Variants in ASPSCR1 observed in about 807,000 individuals in gnomAD.
The protein encoded by ASPSCR1 is tether containing UBX domain for GLUT4.
In ASPSCR1, 55 loss-of-function variants were observed where a neutral mutation model predicts 68.9. That is an observed-to-expected ratio of 0.80 (90% CI 0.64 to 1.00). The LOEUF is 1.00. Among genes scored for constraint, ASPSCR1 ranks in the 50% least tolerant of loss-of-function variants. ASPSCR1 has a pLI of 0.00. For missense variants in ASPSCR1, 765 were observed against 762.2 expected (o/e 1.00, Z -0.04); for synonymous variants, 352 against 332.6 (o/e 1.06, Z -0.63).
intron 13 of ASPSCR1, 74 bp from the exon 14 acceptor site, chr17:82,016,726 G>A (rs1462749194): frequency 1.3e-6 from 2 of 1,534,642 alleles, no homozygotes; most frequent in African/African-American, 2.7e-5. Context: ...GCTGAGTGCT[G>A]GTGGGCAGAT....
chr17:82,009,602 A>G lies in ASPSCR1; in HGVS notation c.1170+35A>G. ...CAGGATGTGGGGGCGACTGAGGCAC[A>G]GCTCTGAGGGGGCCCCCCGTGAGGT... On this transcript the variant is annotated intron_variant, in intron 9 of 15. Coordinates refer to ENST00000306739, the MANE Select transcript of ASPSCR1 (RefSeq NM_024083.4). 1.3e-6 allele frequency: 2 copies of G among 1,549,902 alleles called. 1 individual carries two copies. Among genetic ancestry groups the G allele is most frequent in the South Asian group, 2.4e-5 (2 of 84,172 alleles).
intron 4 of ASPSCR1, among the ~76,000 whole-genome samples, chr17:81,993,461 T>TGC (rs2042237701): frequency 6.6e-6 from 1 of 152,060 alleles, no homozygotes; most frequent in African/African-American, 2.4e-5. Flanking sequence ...GATCCGCCCA[T>TGC]CTCGGCCTCC....
intron 5 of ASPSCR1, chr17:81,995,293 G>C: frequency 2.8e-6 from 1 of 360,116 alleles, no homozygotes; most frequent in Non-Finnish European, 5.0e-6. Flanking sequence ...GGGTGGGGGG[G>C]CACTGGCCCG....
chr17:81,990,792 T>C lies in ASPSCR1; in HGVS notation c.375-4029T>C, dbSNP rs2144026873. Among the ~76,000 whole-genome samples, 1 of 152,290 alleles carries C rather than the reference T, an allele frequency of 6.6e-6. No homozygotes were observed. The highest frequency in any genetic ancestry group is 1.9e-4 in the East Asian group (1 of 5,176). On this transcript the variant is annotated intron_variant, in intron 4 of 15. Coordinates refer to ENST00000306739, the MANE Select transcript of ASPSCR1 (RefSeq NM_024083.4). The surrounding 1 kb of genome is among the most constrained non-coding windows in gnomAD (Gnocchi z 4.1). ...ACCAGCATCTTTGCTGGGGTACAGA[T>C]TGTTATGCTAACGGGTTTCCTATGA...
intron 4 of ASPSCR1, among the ~76,000 whole-genome samples, chr17:81,994,522 G>A (rs992103415): frequency 1.3e-5 from 2 of 152,194 alleles, no homozygotes; most frequent in Admixed American, 6.5e-5. Flanking sequence ...GGGCCCTGCC[G>A]GCAGCTCCAC....
intron 3 of ASPSCR1, among the ~76,000 whole-genome samples, chr17:81,985,057 C>T (rs553918471): frequency 1.5e-5 from 2 of 135,350 alleles, no homozygotes; most frequent in East Asian, 4.2e-4. Context: ...CCCACACACA[C>T]CCACGCACAC....
intron 9 of ASPSCR1, chr17:82,010,085 T>TTG (rs1164260321): frequency 2.5e-5 from 7 of 276,394 alleles, no homozygotes; most frequent in East Asian, 1.5e-4. Context: ...CTAATTTTTG[T>TTG]TGTTTTTTTT....
At chr17:81,994,758 G>A in intron 4 of ASPSCR1, 63 bp from the exon 5 acceptor site, 1 of 1,525,716 alleles carries the variant, frequency 6.6e-7, no homozygotes, top group South Asian at 1.1e-5. Flanking sequence ...CCTGCCCCAG[G>A]GCCTCCGTGG....
chr17:82,008,914 G>A (rs2042814971), intron 7 of ASPSCR1, 123 bp from the exon 8 acceptor site: 1 of 1,334,526 alleles, frequency 7.5e-7, no homozygotes, highest in Non-Finnish European at 9.8e-7. Flanking sequence ...GCTGGCCGGG[G>A]CCAGGGAGGG....
chr17:81,991,164 G>C (rs1183490232), intron 4 of ASPSCR1, among the ~76,000 whole-genome samples: 4 of 152,178 alleles, frequency 2.6e-5, no homozygotes, highest in African/African-American at 9.7e-5. Context: ...CTGTAAATCA[G>C]ATTCATGAGC....
At chr17:82,000,850 G>T (rs2042505749) in intron 7 of ASPSCR1, among the ~76,000 whole-genome samples, 1 of 152,132 alleles carries the variant, frequency 6.6e-6, no homozygotes, top group Non-Finnish European at 1.5e-5. Context: ...TCCACTGGCT[G>T]GGAGGCTGCC....
rs775731936 is a variant in ASPSCR1 at position 81,996,809 on chromosome 17, GGGAGCGGGATCCCCAGCAGGAGCA to G, written c.906_929del (p.Asp302_Arg309del). The G allele has an allele frequency of 2.5e-6, 4 of 1,607,124 alleles. No individual in the cohort carries two copies. Among genetic ancestry groups the G allele is most frequent in the Admixed American group, 1.7e-5 (1 of 58,128 alleles). ...CCCCAGCAGGAGCAGGAGCAGGAGC[GGGAGCGGGATCCCCAGCAGGAGCA>G]GGAGCGGGAGCGGGTAAAAGGGGCT... On this transcript the variant is annotated inframe_deletion, in exon 7 of 16. Coordinates refer to ENST00000306739, the MANE Select transcript of ASPSCR1 (RefSeq NM_024083.4).
intron 15 of ASPSCR1, 53 bp from the exon 16 acceptor site, chr17:82,017,256 C>T (rs2043173904): frequency 7.5e-6 from 12 of 1,606,156 alleles, no homozygotes; most frequent in African/African-American, 1.3e-5. Flanking sequence ...GGGCGGGTGG[C>T]CGGGTGGTGA....
chr17:82,009,465 TC>T lies in ASPSCR1; in HGVS notation c.1089-19del. 2.6e-6 allele frequency: 4 copies of T among 1,561,126 alleles called. No homozygotes were observed. The highest frequency in any genetic ancestry group is 3.5e-6 in the Non-Finnish European group (4 of 1,152,508). On this transcript the variant is annotated intron_variant, in intron 8 of 15. Coordinates refer to ENST00000306739, the MANE Select transcript of ASPSCR1 (RefSeq NM_024083.4). ...CCCCCATTCTGACCAGAAGCCCTGT[TC>T]CTTCCCCTCCTCACCACAGGAAGCG...
chr17:82,010,888 G>T lies in ASPSCR1; in HGVS notation c.1237+20G>T. On this transcript the variant is annotated intron_variant, in intron 10 of 15. Transcript: ENST00000306739. ...AGACAGGTGGGCAGCGCTGTGGGGT[G>T]TCCGGGGATGGGGGGCAGGGGCCCA... 3 of 1,609,390 alleles carry T rather than the reference G, an allele frequency of 1.9e-6. No homozygotes were observed. In the South Asian group the frequency reaches 3.3e-5, roughly 18 times the overall value.
chr17:81,987,138 A>G lies in ASPSCR1; in HGVS notation c.374+1531A>G, dbSNP rs531189801. On this transcript the variant is annotated intron_variant, in intron 4 of 15. Coordinates refer to ENST00000306739, the MANE Select transcript of ASPSCR1 (RefSeq NM_024083.4). This position sits in a 1 kb window ranked among gnomAD's most constrained non-coding sequence, Gnocchi z 5.6. ...AGCGGGACCCGAGGCAGGAGGTGAC[A>G]GAGCCTAAGAGCAAAGCGAAGCCAC... Among the ~76,000 whole-genome samples, 2 of 122,506 alleles carry G rather than the reference A, an allele frequency of 1.6e-5. No individual in the cohort carries two copies. The highest frequency in any genetic ancestry group is 8.2e-5 in the Admixed American group (1 of 12,246). The allele number at this position is 122,506 out of a possible 152,430, so 80.4% of individuals were successfully genotyped here.
intron 7 of ASPSCR1, among the ~76,000 whole-genome samples, chr17:82,000,634 GACTT>G (rs1010857787): frequency 1.4e-4 from 21 of 152,204 alleles, no homozygotes; most frequent in African/African-American, 4.8e-4. Context: ...GTGGTTTTTG[GACTT>G]AAATAAAGAG....
intron 1 of ASPSCR1, 71 bp from the exon 2 acceptor site, chr17:81,979,113 G>A: frequency 1.3e-6 from 2 of 1,545,880 alleles, no homozygotes; most frequent in East Asian, 2.2e-5. Flanking sequence ...AATGCCCTTG[G>A]CTGACCTGGC....
At position 81,999,517 on chromosome 17, in the gene ASPSCR1, C is replaced by G. The variant is rs2042457742; in HGVS notation, c.933+2671C>G. Among the ~76,000 whole-genome samples the G allele has an allele frequency of 6.6e-6, 1 of 151,970 alleles. No individual in the cohort carries two copies. Among genetic ancestry groups the G allele is most frequent in the African/African-American group, 2.4e-5 (1 of 41,344 alleles). On this transcript the variant is annotated intron_variant, in intron 7 of 15. Coordinates refer to ENST00000306739, the MANE Select transcript of ASPSCR1 (RefSeq NM_024083.4). The surrounding 1 kb of genome is among the most constrained non-coding windows in gnomAD (Gnocchi z 4.4). ...TGGCAGGTGCCTGTAATCCCAGCTA[C>G]TCGGGAGACTGAGGCAGGAGAATCT...
Sources: gnomAD v4.1 joint callset for allele counts (sites outside exome capture counted in the v4.1 genomes callset) on GRCh38, gnomAD v4.1.1 for gene constraint, Gnocchi (gnomAD v3.1) non-coding constraint, MANE v1.5 for transcripts, NCBI Gene and HGNC (gene_info 2026-07-23, HGNC 2026-07-21) for gene names.